The following ZC3H8 variants were observed in gnomAD, a reference collection of about 807,000 sequenced individuals.
ZC3H8 encodes the protein zinc finger CCCH-type containing 8.
A neutral mutation model predicts 42.5 loss-of-function variants in ZC3H8; 27 were observed. That is an observed-to-expected ratio of 0.64 (90% CI 0.47 to 0.88). The LOEUF is 0.88. Among genes scored for constraint, ZC3H8 ranks in the 40% least tolerant of loss-of-function variants. The probability of loss-of-function intolerance (pLI) is 0.00; values close to 1 mark genes in which losing one functional copy is unlikely to be tolerated. For missense variants in ZC3H8, 277 were observed against 336.1 expected (o/e 0.82, Z 1.37); for synonymous variants, 101 against 110.1 (o/e 0.92, Z 0.52).
At chr2:112,253,312 C>G (rs971831930) in intron 1 of ZC3H8, among the ~76,000 whole-genome samples, 6 of 152,010 alleles carry the variant, frequency 3.9e-5, no homozygotes, top group Admixed American at 3.9e-4. Context: ...AAATTTTCAT[C>G]TCTTCTTCAT....
In ZC3H8 at chr2:112,238,463, A is replaced by G; in HGVS notation, c.222T>C (p.Asp74=). Residue 74 remains aspartate, a synonymous_variant, in exon 3 of 9, where the codon GAT becomes GAC. Transcript: ENST00000409573. The part of the protein sequence containing the change: ...LHRKSRSKDY[D]VYSDNDICSQ... The stretch of plus-strand genomic sequence containing the variant: ...TGCAGATATCATTATCACTATATAC[A>G]TCATAGTCCTTACTTCTTGATTTTC... 6.2e-7 allele frequency: 1 copy of G among 1,613,200 alleles called. No homozygotes were observed. Among genetic ancestry groups the G allele is most frequent in the South Asian group, 1.1e-5 (1 of 91,014 alleles).
chr2:112,218,309 CTCAA>C (rs1684419582), intron 8 of ZC3H8, among the ~76,000 whole-genome samples: 2 of 152,212 alleles, frequency 1.3e-5, no homozygotes, highest in South Asian at 4.1e-4. Context: ...GGGAACTCTA[CTCAA>C]GGTTTAGAAA....
At chr2:112,246,558 T>C (rs192029420) in intron 2 of ZC3H8, among the ~76,000 whole-genome samples, 9 of 152,280 alleles carry the variant, frequency 5.9e-5, no homozygotes, top group Non-Finnish European at 1.3e-4. Context: ...GACGAAGTAA[T>C]TGCAGGTGTG....
At chr2:112,246,848 C>A (rs1026202479) in intron 2 of ZC3H8, among the ~76,000 whole-genome samples, 2 of 152,200 alleles carry the variant, frequency 1.3e-5, no homozygotes, top group Non-Finnish European at 2.9e-5. Context: ...TGCTATCAAA[C>A]AGCATCACAT....
intron 8 of ZC3H8, among the ~76,000 whole-genome samples, chr2:112,222,753 T>A (rs969454187): frequency 5.6e-4 from 86 of 152,332 alleles, no homozygotes; most frequent in African/African-American, 2.0e-3. Flanking sequence ...GGATGGTAGC[T>A]GTCAAGGCCT....
chr2:112,254,380 T>G (rs1336348828), intron 1 of ZC3H8, among the ~76,000 whole-genome samples: 1 of 152,206 alleles, frequency 6.6e-6, no homozygotes, highest in Non-Finnish European at 1.5e-5. Flanking sequence ...TTTATTGTGG[T>G]CTTTAGGGTC....
chr2:112,225,939 G>A (rs572794880), intron 8 of ZC3H8, among the ~76,000 whole-genome samples: 46 of 151,896 alleles, frequency 3.0e-4, no homozygotes, highest in South Asian at 4.2e-4. Flanking sequence ...AAAATTAGCC[G>A]GGTGTGGTGG....
Position 112,238,310 on chromosome 2 carries a change from C to T in ZC3H8, c.370+5G>A. On this transcript the variant is annotated splice_donor_5th_base_variant and intron_variant, in intron 3 of 8. Coordinates refer to ENST00000409573, the MANE Select transcript of ZC3H8 (RefSeq NM_032494.3). ...CTTTAAATGATAAAATAGTTTGACT[C>T]TTACCCTGTGGGGTATCTTTTACTC... The T allele has an allele frequency of 6.2e-7, 1 of 1,611,976 alleles. No individual in the cohort carries two copies. The highest frequency in any genetic ancestry group is 8.5e-7 in the Non-Finnish European group (1 of 1,179,154).
intron 2 of ZC3H8, chr2:112,249,959 GTCA>G: frequency 3.5e-6 from 1 of 281,892 alleles, no homozygotes; most frequent in Non-Finnish European, 5.9e-6. Context: ...TTAAACATAT[GTCA>G]TGTTAAATGA....
At chr2:112,221,270 C>A (rs141649559) in intron 8 of ZC3H8, among the ~76,000 whole-genome samples, 1 of 152,080 alleles carries the variant, frequency 6.6e-6, no homozygotes, top group Admixed American at 6.5e-5. Context: ...GGTTTAGCAC[C>A]ATCCCCCTTG....
chr2:112,228,821 C>A (rs1312452914), intron 8 of ZC3H8, among the ~76,000 whole-genome samples: 1 of 152,148 alleles, frequency 6.6e-6, no homozygotes, highest in African/African-American at 2.4e-5. Context: ...GGGATATTTG[C>A]AAATCATGTA....
chr2:112,247,964 G>A (rs958108808), intron 2 of ZC3H8, among the ~76,000 whole-genome samples: 1 of 152,238 alleles, frequency 6.6e-6, no homozygotes, highest in Non-Finnish European at 1.5e-5. Context: ...GCTTACTTGG[G>A]TAGCTGAGAG....
At chr2:112,244,120 A>G (rs1685679295) in intron 2 of ZC3H8, among the ~76,000 whole-genome samples, 1 of 152,016 alleles carries the variant, frequency 6.6e-6, no homozygotes. Context: ...AAGATTCACA[A>G]TCGCATAGAA....
intron 3 of ZC3H8, among the ~76,000 whole-genome samples, chr2:112,237,968 C>A (rs1685416798): frequency 6.6e-6 from 1 of 152,136 alleles, no homozygotes; most frequent in African/African-American, 2.4e-5. Flanking sequence ...TGACATACAA[C>A]CATTCCAGTC....
At chr2:112,222,373 C>A (rs1043017551) in intron 8 of ZC3H8, among the ~76,000 whole-genome samples, 1 of 152,056 alleles carries the variant, frequency 6.6e-6, no homozygotes, top group African/African-American at 2.4e-5. Context: ...CCTGGCCTGT[C>A]TGGCTACAAG....
At chr2:112,235,474 C>A (rs1685278269) in intron 4 of ZC3H8, among the ~76,000 whole-genome samples, 1 of 152,088 alleles carries the variant, frequency 6.6e-6, no homozygotes, top group South Asian at 2.1e-4. Flanking sequence ...TGGGTAATTA[C>A]CTGAACCACA....
rs1228790469 is a variant in ZC3H8 at position 112,211,897 on chromosome 2, A to G, written c.*4587T>C. On this transcript the variant is annotated 3_prime_UTR_variant, in exon 9 of 9. Transcript: ENST00000409573. Reference sequence around the variant, plus strand: ...TGTCCCTCCCTATCCAAACATATACATTCTCCCCTCTCCTCTTAACCCTTC... The same window carrying G: ...TGTCCCTCCCTATCCAAACATATACGTTCTCCCCTCTCCTCTTAACCCTTC... The G allele has an allele frequency of 6.6e-6, 1 of 152,108 alleles. No homozygotes were observed. The allele number at this position is 152,108 out of a possible 1,614,324, so 9.4% of individuals were successfully genotyped here.
chr2:112,241,439 A>ACC (rs139470653), intron 2 of ZC3H8, among the ~76,000 whole-genome samples: 1 of 150,720 alleles, frequency 6.6e-6, no homozygotes, highest in African/African-American at 2.4e-5. Flanking sequence ...CTGTCCAGAG[A>ACC]CCCCCCCCTC....
rs1684155857 is a variant in ZC3H8 at position 112,212,048 on chromosome 2, TAAAC to T, written c.*4432_*4435del. ...CAAAAATACCACAGACTAGGTGGCT[TAAAC>T]AACACTTACTCCTCACAGTTCTGGA... On this transcript the variant is annotated 3_prime_UTR_variant, in exon 9 of 9. Transcript: ENST00000409573. 2 of 152,228 alleles carry T rather than the reference TAAAC, an allele frequency of 1.3e-5. No individual in the cohort carries two copies. Among genetic ancestry groups the T allele is most frequent in the African/African-American group, 4.8e-5 (2 of 41,460 alleles). The allele number at this position is 152,228 out of a possible 1,614,324, so 9.4% of individuals were successfully genotyped here.
Sources: gnomAD v4.1 joint callset for allele counts (sites outside exome capture counted in the v4.1 genomes callset) on GRCh38, gnomAD v4.1.1 for gene constraint, MANE v1.5 for transcripts, NCBI Gene and HGNC (gene_info 2026-07-23, HGNC 2026-07-21) for gene names.